TTC28: variants seen among roughly 807,000 people sequenced by gnomAD.
The protein encoded by TTC28 is tetratricopeptide repeat domain 28.
A neutral mutation model predicts 198.0 loss-of-function variants in TTC28; 61 were observed. The ratio of observed to expected loss-of-function variants is 0.31; its 90% CI spans 0.25 to 0.38. TTC28 has a LOEUF of 0.38. TTC28 is among the 10% of genes least tolerant of loss of function. The pLI, the probability that TTC28 is intolerant of heterozygous loss-of-function variation, is 1.00. For synonymous variants in TTC28, 1,171 were observed against 1,297.8 expected (o/e 0.90, Z 2.10); for missense variants, 2,678 against 3,164.0 (o/e 0.85, Z 3.69).
chr22:28,248,829 T>C (rs1352268992), intron 5 of TTC28, among the ~76,000 whole-genome samples: 2 of 152,158 alleles, frequency 1.3e-5, no homozygotes, highest in Admixed American at 1.3e-4. Context: ...TTCTCCCCTT[T>C]TCCACATAAT....
intron 2 of TTC28, among the ~76,000 whole-genome samples, chr22:28,477,796 G>A (rs997673476): frequency 1.3e-5 from 2 of 152,100 alleles, no homozygotes; most frequent in African/African-American, 4.8e-5. Flanking sequence ...CTGCCCTCTC[G>A]TACAACTGGT....
intron 2 of TTC28, among the ~76,000 whole-genome samples, chr22:28,592,280 G>A (rs1282328127): frequency 6.6e-6 from 1 of 152,080 alleles, no homozygotes; most frequent in Non-Finnish European, 1.5e-5. Flanking sequence ...GAACCCAAAA[G>A]TGTGAGGCTA....
intron 2 of TTC28, among the ~76,000 whole-genome samples, chr22:28,547,461 G>C (rs1169381313): frequency 6.6e-6 from 1 of 152,078 alleles, no homozygotes; most frequent in Non-Finnish European, 1.5e-5. Context: ...ATTAATAAAC[G>C]ATGTAAAACT....
At chr22:28,164,170 C>A (rs1240409581) in intron 5 of TTC28, among the ~76,000 whole-genome samples, 3 of 152,168 alleles carry the variant, frequency 2.0e-5, no homozygotes, top group African/African-American at 7.2e-5. Flanking sequence ...CTGGAGCCCA[C>A]CACAGTTCAA....
chr22:28,079,321 T>C (rs1941262481), intron 12 of TTC28, among the ~76,000 whole-genome samples: 2 of 152,140 alleles, frequency 1.3e-5, no homozygotes, highest in African/African-American at 4.8e-5. Flanking sequence ...GTGACAGAAG[T>C]GGATTGATTA....
At chr22:28,437,507 A>C (rs2047538788) in intron 2 of TTC28, among the ~76,000 whole-genome samples, 1 of 152,210 alleles carries the variant, frequency 6.6e-6, no homozygotes, top group Non-Finnish European at 1.5e-5. Context: ...ACTTTGGAGA[A>C]CATTTACTAG....
chr22:28,381,825 G>A (rs1322016559), intron 2 of TTC28, among the ~76,000 whole-genome samples: 5 of 152,086 alleles, frequency 3.3e-5, no homozygotes, highest in Non-Finnish European at 5.9e-5. Context: ...TAAGAATTAT[G>A]TTCTATTTAT....
chr22:28,347,691 G>T (rs1309137084), intron 2 of TTC28, among the ~76,000 whole-genome samples: 1 of 152,178 alleles, frequency 6.6e-6, no homozygotes, highest in Non-Finnish European at 1.5e-5. Flanking sequence ...GGCCAACATG[G>T]TGAAACCCCA....
chr22:28,068,199 G>C (rs1940834836), intron 12 of TTC28, among the ~76,000 whole-genome samples: 1 of 152,194 alleles, frequency 6.6e-6, no homozygotes, highest in African/African-American at 2.4e-5. Context: ...CCCCTTAAGA[G>C]AGATAAAAGG....
intron 5 of TTC28, among the ~76,000 whole-genome samples, chr22:28,214,832 C>T (rs568879489): frequency 1.3e-5 from 2 of 152,256 alleles, no homozygotes; most frequent in East Asian, 1.9e-4. Context: ...CACATGCACA[C>T]GTATGTTTAT....
intron 5 of TTC28, among the ~76,000 whole-genome samples, chr22:28,242,727 T>A (rs1601521986): frequency 6.6e-6 from 1 of 152,174 alleles, no homozygotes; most frequent in East Asian, 1.9e-4. Flanking sequence ...TTTTTTCCAT[T>A]AACCAACTAA....
chr22:28,256,753 C>A (rs750842577), intron 5 of TTC28, among the ~76,000 whole-genome samples: 1 of 152,172 alleles, frequency 6.6e-6, no homozygotes, highest in Admixed American at 6.5e-5. Flanking sequence ...AAAACAGACA[C>A]ATAAGACTGG....
chr22:28,033,767 T>C (rs2146645074), intron 12 of TTC28, among the ~76,000 whole-genome samples: 1 of 152,286 alleles, frequency 6.6e-6, no homozygotes, highest in Middle Eastern at 3.4e-3. Flanking sequence ...TAAGATAAGC[T>C]TTGGTGCCCC....
chr22:27,990,633 G>C (rs1346365017), intron 20 of TTC28, among the ~76,000 whole-genome samples, 156 bp downstream of exon 20: 1 of 152,142 alleles, frequency 6.6e-6, no homozygotes, highest in African/African-American at 2.4e-5. Flanking sequence ...CGGGCCGCCA[G>C]TCCAGCAGCA....
intron 2 of TTC28, among the ~76,000 whole-genome samples, chr22:28,422,904 ACAAT>A (rs1296952495): frequency 6.6e-6 from 1 of 152,202 alleles, no homozygotes; most frequent in Non-Finnish European, 1.5e-5. Flanking sequence ...ATAATTCCTA[ACAAT>A]CAATGGATGG....
At chr22:28,202,779 T>C (rs982424271) in intron 5 of TTC28, among the ~76,000 whole-genome samples, 2 of 152,176 alleles carry the variant, frequency 1.3e-5, no homozygotes, top group Non-Finnish European at 2.9e-5. Flanking sequence ...GGTTTTGTTT[T>C]TCATCTTTTG....
chr22:28,186,118 T>G (rs1924180596), intron 5 of TTC28, among the ~76,000 whole-genome samples: 1 of 152,176 alleles, frequency 6.6e-6, no homozygotes, highest in Non-Finnish European at 1.5e-5. Context: ...AAAATGGATA[T>G]AGACTTAGAA....
chr22:28,234,817 C>T (rs1019201806), intron 5 of TTC28, among the ~76,000 whole-genome samples: 12 of 152,106 alleles, frequency 7.9e-5, no homozygotes, highest in Non-Finnish European at 1.5e-4. Context: ...CACTATGCCC[C>T]ACAAATAGAA....
intron 5 of TTC28, among the ~76,000 whole-genome samples, chr22:28,281,484 A>G (rs894391395): frequency 1.3e-5 from 2 of 152,186 alleles, no homozygotes; most frequent in Admixed American, 6.5e-5. Context: ...ACTCTTTATA[A>G]GCATATTTTA....
Sources: allele counts gnomAD v4.1 joint callset (sites outside exome capture counted in the v4.1 genomes callset), GRCh38; gene constraint gnomAD v4.1.1; transcripts MANE v1.5; gene names NCBI Gene and HGNC (gene_info 2026-07-23, HGNC 2026-07-21).